Variants in RSRC2 observed in about 807,000 individuals in gnomAD.
RSRC2 encodes arginine/serine-rich coiled-coil protein 2.
Under a neutral mutation model 61.3 loss-of-function variants are expected in RSRC2, and 5 were observed. That is an observed-to-expected ratio of 0.08 (90% CI 0.04 to 0.17). The LOEUF is 0.17. Ranked by LOEUF, RSRC2 falls within the 10% of genes least tolerant of loss-of-function variation. The probability of loss-of-function intolerance (pLI) is 1.00; values close to 1 mark genes in which losing one functional copy is unlikely to be tolerated. For missense variants in RSRC2, 381 were observed against 518.8 expected (o/e 0.73, Z 2.58); for synonymous variants, 202 against 166.5 (o/e 1.21, Z -1.64).
At chr12:122,520,465 T>C in intron 3 of RSRC2, 5 of 1,058,790 alleles carry the variant, frequency 4.7e-6, no homozygotes, top group Non-Finnish European at 6.8e-6. Flanking sequence ...ATTTAAGATA[T>C]ATTTAAGGGA....
intron 7 of RSRC2, among the ~76,000 whole-genome samples, chr12:122,510,161 A>C (rs1958391464): frequency 6.6e-6 from 1 of 152,186 alleles, no homozygotes; most frequent in Non-Finnish European, 1.5e-5. Flanking sequence ...TACGCATAAA[A>C]ACTTGATTTC....
At chr12:122,507,143 C>T (rs904274193) in intron 8 of RSRC2, 2 of 536,964 alleles carry the variant, frequency 3.7e-6, no homozygotes, top group Non-Finnish European at 6.7e-6. Flanking sequence ...TTTGGAAGGC[C>T]GAGGTGGGCA....
rs1424744176 is a variant in RSRC2, at chr12:122,522,244, T to C, written c.62A>G (p.Asp21Gly). ...TACTTCTGACTGCTCTTTTTTCTTA[T>C]CTCTATCTGGTGATGTCTTTTCTGG... is the stretch of plus-strand genomic sequence containing the variant. The part of the protein sequence containing the change: ...LAPEKTSPDR[D>G]KKKEQSEVSV... The change falls in exon 2 of 10, where the codon GAT (aspartate) becomes GGT (glycine). Residue 21 changes from aspartate (D) to glycine (G), a missense_variant. Around this residue, in one of 4 missense-constraint regions of RSRC2, gnomAD observed 266 missense variants for 270.5 expected, o/e 0.98. Coordinates refer to ENST00000331738, the MANE Select transcript of RSRC2 (RefSeq NM_023012.6). 6.2e-6 allele frequency: 10 copies of C among 1,613,924 alleles called. No homozygotes were observed. Among genetic ancestry groups the C allele is most frequent in the Non-Finnish European group, 7.6e-6 (9 of 1,179,960 alleles).
At chr12:122,523,133 T>G (rs1959476911) in intron 1 of RSRC2, 1 of 152,230 alleles carries the variant, frequency 6.6e-6, no homozygotes, top group African/African-American at 2.4e-5. Flanking sequence ...GAGCTAGGAA[T>G]GGTTTTTTAC....
chr12:122,512,343 T>C (rs1212703706), intron 6 of RSRC2, among the ~76,000 whole-genome samples: 1 of 152,170 alleles, frequency 6.6e-6, no homozygotes, highest in Non-Finnish European at 1.5e-5. Context: ...TGTAATGTGG[T>C]ATAAAGGGGA....
intron 5 of RSRC2, among the ~76,000 whole-genome samples, chr12:122,516,302 TC>T (rs924629148): frequency 5.3e-5 from 8 of 152,204 alleles, no homozygotes; most frequent in African/African-American, 1.9e-4. Context: ...TAATTAGTTT[TC>T]CTCCTGTGCT....
rs751240355 is a variant in RSRC2, at chr12:122,519,042, G to C, written c.208-13C>G. ...CATGTCTTCTTCCCTGTTTTAAGAA[G>C]AAGTTGGTTCTTTCAGGAAAATAGT... On this transcript the variant is annotated splice_polypyrimidine_tract_variant and intron_variant, in intron 3 of 9. Coordinates refer to ENST00000331738, the MANE Select transcript of RSRC2 (RefSeq NM_023012.6). 6.2e-7 allele frequency: 1 copy of C among 1,611,418 alleles called. No individual in the cohort carries two copies. Among genetic ancestry groups the C allele is most frequent in the Non-Finnish European group, 8.5e-7 (1 of 1,179,150 alleles).
intron 6 of RSRC2, among the ~76,000 whole-genome samples, chr12:122,513,236 TAAATAAA>T (rs1565893861): frequency 8.3e-6 from 1 of 120,078 alleles, no homozygotes; most frequent in African/African-American, 3.6e-5. Flanking sequence ...AATAAATAAA[TAAATAAA>T]TAAAATAAAA....
Position 122,526,891 on chromosome 12 carries a change from T to G in RSRC2, c.-38A>C, listed in dbSNP as rs770049303. On this transcript the variant is annotated 5_prime_UTR_variant, in exon 1 of 10. Coordinates refer to ENST00000331738, the MANE Select transcript of RSRC2 (RefSeq NM_023012.6). ...CGGCCGCTAGAGCGGCGCCTCCACTTGTCGCTTTCAACAGTACCGGCCGCT... is the reference window on the plus strand; with the variant it reads ...CGGCCGCTAGAGCGGCGCCTCCACTGGTCGCTTTCAACAGTACCGGCCGCT... 2 of 1,613,784 alleles carry G rather than the reference T, an allele frequency of 1.2e-6. No individual in the cohort carries two copies. The highest frequency in any genetic ancestry group is 2.2e-5 in the South Asian group (2 of 91,080).
chr12:122,509,189 C>A (rs969072160), intron 7 of RSRC2, among the ~76,000 whole-genome samples: 5 of 151,968 alleles, frequency 3.3e-5, no homozygotes, highest in African/African-American at 1.2e-4. Context: ...TGGCTCACGT[C>A]TGTAATCCCA....
chr12:122,522,389 G>T, intron 1 of RSRC2, 90 bp from the exon 2 acceptor site: 2 of 1,206,668 alleles, frequency 1.7e-6, no homozygotes, highest in Non-Finnish European at 1.1e-6. Context: ...AGGGAAGATA[G>T]CCCCCCACAA....
At chr12:122,517,570 T>C in intron 4 of RSRC2, 140 bp from the exon 5 acceptor site, 2 of 1,033,196 alleles carry the variant, frequency 1.9e-6, no homozygotes, top group South Asian at 1.6e-5. Context: ...ATAAGCGAGA[T>C]TTTCAAAGGA....
chr12:122,505,784 A>AT (rs576425889), intron 9 of RSRC2, 78 bp from the exon 10 acceptor site: 39,939 of 1,018,622 alleles, frequency 0.039, 8 homozygotes, highest in South Asian at 0.049. Context: ...TTTTTTATGT[A>AT]TTTTTTTTTT....
intron 1 of RSRC2, among the ~76,000 whole-genome samples, chr12:122,525,242 G>A (rs1959938030): frequency 6.6e-6 from 1 of 152,062 alleles, no homozygotes; most frequent in Non-Finnish European, 1.5e-5. Context: ...CGGGTGTGGT[G>A]GTGGGCGCCT....
chr12:122,525,182 T>C (rs970649297), intron 1 of RSRC2, among the ~76,000 whole-genome samples: 6 of 152,100 alleles, frequency 3.9e-5, no homozygotes, highest in African/African-American at 1.4e-4. Flanking sequence ...GAGACCAGCC[T>C]GGCCGACGTG....
chr12:122,511,340 G>C (rs1417060478), intron 6 of RSRC2, 152 bp from the exon 7 acceptor site: 1 of 541,332 alleles, frequency 1.8e-6, no homozygotes, highest in Non-Finnish European at 3.2e-6. Flanking sequence ...TGAAGAAAAA[G>C]CAATCATTCT....
chr12:122,514,549 A>C, intron 6 of RSRC2: 1 of 969,522 alleles, frequency 1.0e-6, no homozygotes, highest in Non-Finnish European at 1.2e-6. Context: ...TACAGGTGTG[A>C]CCGATTGCAC....
Position 122,503,696 on chromosome 12 carries a change from TTAG to T in RSRC2, c.*1828_*1830del, listed in dbSNP as rs1957991672. The T allele has an allele frequency of 6.6e-6, 1 of 152,222 alleles. No individual in the cohort carries two copies. Among genetic ancestry groups the T allele is most frequent in the African/African-American group, 2.4e-5 (1 of 41,452 alleles). 9.4% of individuals were successfully genotyped at this position (152,222 alleles called of 1,614,324 possible). The stretch of plus-strand genomic sequence containing the variant: ...CCATAGTGTCATTTCCTTAGAAGGC[TTAG>T]ATTTGTCACTGAAACACGGTGAAAA... On this transcript the variant is annotated 3_prime_UTR_variant, in exon 10 of 10. Coordinates refer to ENST00000331738, the MANE Select transcript of RSRC2 (RefSeq NM_023012.6).
At chr12:122,508,191 A>G (rs745734604) in intron 8 of RSRC2, 27 bp downstream of exon 8, 2 of 1,583,016 alleles carry the variant, frequency 1.3e-6, no homozygotes, top group African/African-American at 2.7e-5. Flanking sequence ...GGAATAAACG[A>G]CAGAAAAGCA....
Sources: gnomAD v4.1 joint callset for allele counts (sites outside exome capture counted in the v4.1 genomes callset) on GRCh38, gnomAD v4.1.1 for gene constraint, gnomAD v4.1.1 regional missense constraint, MANE v1.5 for transcripts, NCBI Gene and HGNC (gene_info 2026-07-23, HGNC 2026-07-21) for gene names.